The following TEDC1 variants were observed in gnomAD, a reference collection of about 807,000 sequenced individuals.
The protein encoded by TEDC1 is tubulin epsilon and delta complex protein 1.
TEDC1 carries 54 observed loss-of-function variants against 59.9 expected under a neutral mutation model. The observed-to-expected ratio is 0.90, with a 90% CI of 0.72 to 1.13. The LOEUF (loss-of-function observed/expected upper bound fraction) is 1.13, where lower values mean the gene tolerates loss of function less well. TEDC1 is among the 50% of genes most tolerant of loss of function. The probability of loss-of-function intolerance (pLI) is 0.00; values close to 1 mark genes in which losing one functional copy is unlikely to be tolerated. For missense variants in TEDC1, 734 were observed against 683.4 expected (o/e 1.07, Z -0.83); for synonymous variants, 353 against 298.1 (o/e 1.18, Z -1.90).
chr14:105,495,708 G>T (rs2084329020), intron 5 of TEDC1, 172 bp from the exon 6 acceptor site: 1 of 618,334 alleles, frequency 1.6e-6, no homozygotes, highest in Non-Finnish European at 2.8e-6. Context: ...GGACCCCTGG[G>T]TTGGGGCAGA....
At chr14:105,497,748 C>T (rs781802532) in intron 7 of TEDC1, 50 bp from the exon 8 acceptor site, 54 of 1,476,514 alleles carry the variant, frequency 3.7e-5, no homozygotes, top group South Asian at 7.0e-5. Flanking sequence ...TGCCCTCTGT[C>T]CCTCTGTCCC....
intron 5 of TEDC1, 121 bp from the exon 6 acceptor site, chr14:105,495,759 C>T (rs1172708865): frequency 1.2e-6 from 1 of 834,604 alleles, no homozygotes; most frequent in Admixed American, 2.8e-5. Flanking sequence ...TGCCCAGTGC[C>T]TCTGTGGGAC....
intron 2 of TEDC1, among the ~76,000 whole-genome samples, 198 bp downstream of exon 2, chr14:105,491,898 A>C (rs1313234455): frequency 6.6e-6 from 1 of 152,068 alleles, no homozygotes; most frequent in Non-Finnish European, 1.5e-5. Flanking sequence ...CTTGGGTAGC[A>C]CTGGCTTCTG....
chr14:105,495,430 T>A (rs587751306), intron 5 of TEDC1: 3 of 162,068 alleles, frequency 1.9e-5, no homozygotes, highest in Non-Finnish European at 2.7e-5. Context: ...TTCCTGCTCG[T>A]AGCAAGGGCC....
chr14:105,496,675 C>T, intron 6 of TEDC1: 1 of 161,448 alleles, frequency 6.2e-6, no homozygotes, highest in Non-Finnish European at 1.3e-5. Context: ...CTGCTGTGTC[C>T]TGGCCATTCT....
In TEDC1 at chr14:105,496,209, C is replaced by T. The variant is rs2084342591; in HGVS notation, c.891+123C>T. On this transcript the variant is annotated intron_variant, in intron 6 of 8. Coordinates refer to ENST00000392523, the MANE Select transcript of TEDC1 (RefSeq NM_001367178.1). ...TGCTCCCACCCCTGGCCCTTACCTTCTTGGGAACTGTGGTGATTGCCTTCT... is the reference window on the plus strand; with the variant it reads ...TGCTCCCACCCCTGGCCCTTACCTTTTTGGGAACTGTGGTGATTGCCTTCT... 1.5e-5 allele frequency: 14 copies of T among 945,416 alleles called. No homozygotes were observed. The South Asian group carries it at 2.1e-4, about 14-fold the overall frequency. 58.6% of individuals were successfully genotyped at this position (945,416 alleles called of 1,614,324 possible). A position where few individuals can be genotyped will look rare whatever the true frequency, so the allele number is the denominator to read the frequency against.
intron 4 of TEDC1, among the ~76,000 whole-genome samples, chr14:105,493,073 G>A (rs1200336799): frequency 2.6e-5 from 4 of 152,146 alleles, no homozygotes; most frequent in Non-Finnish European, 5.9e-5. Context: ...TCCCTCCTGG[G>A]CACTGGAGGG....
At position 105,493,967 on chromosome 14, in the gene TEDC1, G is replaced by A. The variant is rs782184388; in HGVS notation, c.684+34G>A. Reference sequence around the variant, plus strand: ...GGGCAAGCTGCTGCGGGGGGGTGGGGGTGGGCTGGGGGGCACAGCAGGGGG... The same window carrying A: ...GGGCAAGCTGCTGCGGGGGGGTGGGAGTGGGCTGGGGGGCACAGCAGGGGG... On this transcript the variant is annotated intron_variant, in intron 5 of 8. Coordinates refer to ENST00000392523, the MANE Select transcript of TEDC1 (RefSeq NM_001367178.1). 5 of 781,128 alleles carry A rather than the reference G, an allele frequency of 6.4e-6. No homozygotes were observed. In the Admixed American group the frequency reaches 7.2e-5, roughly 11 times the overall value. The allele number at this position is 781,128 out of a possible 1,614,324, so 48.4% of individuals were successfully genotyped here.
chr14:105,499,025 C>G lies in TEDC1; in HGVS notation c.*79C>G. 7.0e-7 allele frequency: 1 copy of G among 1,427,656 alleles called. No individual in the cohort carries two copies. The highest frequency in any genetic ancestry group is 9.4e-7 in the Non-Finnish European group (1 of 1,069,288). The allele number at this position is 1,427,656 out of a possible 1,614,324, so 88.4% of individuals were successfully genotyped here. A position where few individuals can be genotyped will look rare whatever the true frequency, so the allele number is the denominator to read the frequency against. ...GGTCTTGGAGGAGCAGATTCCAAGGCCAGGTGGCCGCAGGGACGATGCAGA... is the reference window on the plus strand; with the variant it reads ...GGTCTTGGAGGAGCAGATTCCAAGGGCAGGTGGCCGCAGGGACGATGCAGA... On this transcript the variant is annotated 3_prime_UTR_variant, in exon 9 of 9. Coordinates refer to ENST00000392523, the MANE Select transcript of TEDC1 (RefSeq NM_001367178.1).
chr14:105,496,457 A>G (rs782706443), intron 6 of TEDC1: 42 of 220,636 alleles, frequency 1.9e-4, no homozygotes, highest in Non-Finnish European at 2.3e-4. Flanking sequence ...GGCCATTCCT[A>G]TCTGCCCCCC....
chr14:105,496,183 C>T lies in TEDC1; in HGVS notation c.891+97C>T, dbSNP rs587757192. On this transcript the variant is annotated intron_variant, in intron 6 of 8. Coordinates refer to ENST00000392523, the MANE Select transcript of TEDC1 (RefSeq NM_001367178.1). ...GGTGTGTTTGCTCCTCCTCTCCTGC[C>T]TGCTCCCACCCCTGGCCCTTACCTT... The T allele has an allele frequency of 1.1e-4, 127 of 1,146,552 alleles. 1 individual carries two copies. The East Asian group carries it at 3.2e-3, about 29-fold the overall frequency. 71.0% of individuals were successfully genotyped at this position (1,146,552 alleles called of 1,614,324 possible).
rs782563406 is a variant in TEDC1 at position 105,493,958 on chromosome 14, G to T, written c.684+25G>T. On this transcript the variant is annotated intron_variant, in intron 5 of 8. Transcript: ENST00000392523. ...GGTGAGGGCGGGCAAGCTGCTGCGGGGGGGTGGGGGTGGGCTGGGGGGCAC... is the reference window on the plus strand; with the variant it reads ...GGTGAGGGCGGGCAAGCTGCTGCGGTGGGGTGGGGGTGGGCTGGGGGGCAC... The T allele has an allele frequency of 9.8e-6, 8 of 819,282 alleles. No individual in the cohort carries two copies. The East Asian group carries it at 2.1e-4, about 22-fold the overall frequency. The allele number at this position is 819,282 out of a possible 1,614,324, so 50.8% of individuals were successfully genotyped here. A position where few individuals can be genotyped will look rare whatever the true frequency, so the allele number is the denominator to read the frequency against.
At chr14:105,493,424 C>T (rs1460293980) in intron 4 of TEDC1, among the ~76,000 whole-genome samples, 1 of 152,182 alleles carries the variant, frequency 6.6e-6, no homozygotes, top group East Asian at 1.9e-4. Flanking sequence ...TTCCAGCCTC[C>T]CTTTTTTGGG....
intron 7 of TEDC1, 52 bp downstream of exon 7, chr14:105,497,495 C>T: frequency 6.6e-7 from 1 of 1,520,136 alleles, no homozygotes; most frequent in Non-Finnish European, 8.8e-7. Flanking sequence ...CAGCAGCCCC[C>T]AGGTGGGGCA....
At position 105,499,160 on chromosome 14, in the gene TEDC1, G is replaced by A; in HGVS notation, c.*214G>A. 1 of 604,862 alleles carries A rather than the reference G, an allele frequency of 1.7e-6. No homozygotes were observed. The highest frequency in any genetic ancestry group is 2.9e-6 in the Non-Finnish European group (1 of 344,936). 37.5% of individuals were successfully genotyped at this position (604,862 alleles called of 1,614,324 possible). On this transcript the variant is annotated 3_prime_UTR_variant, in exon 9 of 9. Transcript: ENST00000392523. Reference sequence around the variant, plus strand: ...GGGACAGGAATGGCTGGTCCCTTGAGGAGGTCGTGACAGGCTCAGCCTGGT... The same window carrying A: ...GGGACAGGAATGGCTGGTCCCTTGAAGAGGTCGTGACAGGCTCAGCCTGGT...
At chr14:105,495,807 G>GC in intron 5 of TEDC1, 73 bp from the exon 6 acceptor site, 1 of 1,267,688 alleles carries the variant, frequency 7.9e-7, no homozygotes, top group Non-Finnish European at 1.1e-6. Context: ...TGGAAGTGAG[G>GC]CCCCGCCCTC....
intron 5 of TEDC1, 129 bp downstream of exon 5, chr14:105,494,062 G>A (rs1431528470): frequency 4.2e-6 from 3 of 719,886 alleles, no homozygotes; most frequent in South Asian, 1.7e-5. Context: ...GTCTCTGCAT[G>A]TCTGCCACTG....
chr14:105,495,823 G>T, intron 5 of TEDC1, 57 bp from the exon 6 acceptor site: 1 of 1,385,830 alleles, frequency 7.2e-7, no homozygotes, highest in Non-Finnish European at 9.8e-7. Flanking sequence ...CCCTCTCCCC[G>T]AAGCTGTGTG....
At chr14:105,490,949 G>A (rs2084191481), upstream of TEDC1, 2 of 1,312,318 alleles carry the variant, frequency 1.5e-6, no homozygotes, top group African/African-American at 1.5e-5. Flanking sequence ...AGCCTGCAAG[G>A]GCGGACTCTG....
Sources: allele counts gnomAD v4.1 joint callset (sites outside exome capture counted in the v4.1 genomes callset), GRCh38; gene constraint gnomAD v4.1.1; transcripts MANE v1.5; gene names NCBI Gene and HGNC (gene_info 2026-07-23, HGNC 2026-07-21).